HMCN1: variants seen among roughly 807,000 people sequenced by gnomAD.
HMCN1 encodes hemicentin 1, also known as hemicentin-1.
In HMCN1, 321 loss-of-function variants were observed where a neutral mutation model predicts 625.9. That is an observed-to-expected ratio of 0.51 (90% CI 0.47 to 0.56). The LOEUF (loss-of-function observed/expected upper bound fraction) is 0.56, where lower values mean the gene tolerates loss of function less well. Among genes scored for constraint, HMCN1 ranks in the 20% least tolerant of loss-of-function variants. HMCN1 has a pLI of 0.00. For missense variants in HMCN1, 6,588 were observed against 6,887.3 expected, an observed-to-expected ratio of 0.96 and a Z score of 1.54; for synonymous variants, 2,425 against 2,417.6, an observed-to-expected ratio of 1.00 and a Z score of -0.09.
At chr1:186,038,443 C>T (rs1457218918) in intron 37 of HMCN1, among the ~76,000 whole-genome samples, 2 of 152,036 alleles carry the variant, frequency 1.3e-5, no homozygotes, top group Non-Finnish European at 2.9e-5. Context: ...TCATATGAAT[C>T]AGTAACAACA....
At chr1:185,782,248 G>A (rs560565828) in intron 1 of HMCN1, among the ~76,000 whole-genome samples, 49 of 152,180 alleles carry the variant, frequency 3.2e-4, no homozygotes, top group African/African-American at 1.0e-3. Flanking sequence ...TTCTCTGCAC[G>A]TGAGATGGGT....
chr1:185,946,272 C>G (rs1668339517), intron 11 of HMCN1, among the ~76,000 whole-genome samples: 1 of 149,502 alleles, frequency 6.7e-6, no homozygotes, highest in African/African-American at 2.5e-5. Flanking sequence ...CTGTGTAGAT[C>G]CACTTTCATA....
intron 1 of HMCN1, among the ~76,000 whole-genome samples, chr1:185,743,807 G>T (rs1654160292): frequency 6.6e-6 from 1 of 152,102 alleles, no homozygotes; most frequent in East Asian, 1.9e-4. Context: ...AACATTATAT[G>T]TGAAAGTCCT....
chr1:186,053,240 A>C (rs907163358), intron 43 of HMCN1, among the ~76,000 whole-genome samples, 166 bp downstream of exon 43: 1 of 152,086 alleles, frequency 6.6e-6, no homozygotes, highest in Non-Finnish European at 1.5e-5. Context: ...TGATACTTCT[A>C]CACTTCCCAG....
intron 11 of HMCN1, among the ~76,000 whole-genome samples, chr1:185,951,013 T>C (rs1341361375): frequency 1.3e-5 from 2 of 151,288 alleles, no homozygotes; most frequent in African/African-American, 2.4e-5. Context: ...GGCTTTAATC[T>C]TTTTAAAGCG....
At chr1:185,892,862 T>G (rs1483530852) in intron 4 of HMCN1, among the ~76,000 whole-genome samples, 1 of 152,176 alleles carries the variant, frequency 6.6e-6, no homozygotes, top group East Asian at 1.9e-4. Context: ...CCAGGCTGCT[T>G]TGTTTACCTA....
At chr1:186,093,465 C>G (rs780255012) in intron 65 of HMCN1, 21 bp from the exon 66 acceptor site, 1 of 1,611,872 alleles carries the variant, frequency 6.2e-7, no homozygotes, top group Admixed American at 1.7e-5. Flanking sequence ...TTCCCTCTCT[C>G]TCACTTTCTG....
chr1:185,943,693 A>G (rs1181399100), intron 11 of HMCN1, among the ~76,000 whole-genome samples: 1 of 152,148 alleles, frequency 6.6e-6, no homozygotes, highest in East Asian at 1.9e-4. Context: ...TTTGTATAGA[A>G]GTTCCATTAT....
Position 185,785,142 on chromosome 1 carries a change from T to A in HMCN1, c.268+50095T>A, listed in dbSNP as rs556422601. ...TATGGACATTCTTGTACAAATCTTT[T>A]TGGGGGTGTGTTTTCATTTCTCTTG... is the stretch of plus-strand genomic sequence containing the variant. On this transcript the variant is annotated intron_variant, in intron 1 of 106. Coordinates refer to ENST00000271588, the MANE Select transcript of HMCN1 (RefSeq NM_031935.3). 6.6e-5 allele frequency among the ~76,000 whole-genome samples: 10 copies of A among 152,334 alleles called. No homozygotes were observed. The East Asian group carries it at 1.9e-3, about 29-fold the overall frequency.
chr1:185,845,837 T>C (rs915294145), intron 1 of HMCN1, among the ~76,000 whole-genome samples, 189 bp from the exon 2 acceptor site: 1 of 152,232 alleles, frequency 6.6e-6, no homozygotes, highest in Non-Finnish European at 1.5e-5. Context: ...CTTTTAGATA[T>C]GCATACTTTA....
At chr1:186,063,154 A>G (rs1029463735) in intron 48 of HMCN1, among the ~76,000 whole-genome samples, 2 of 140,822 alleles carry the variant, frequency 1.4e-5, no homozygotes, top group Non-Finnish European at 1.5e-5. Context: ...TTGATTCCAT[A>G]TCTTTGCTAT....
chr1:186,186,541 A>T (rs1263901065), intron 105 of HMCN1, among the ~76,000 whole-genome samples: 1 of 152,126 alleles, frequency 6.6e-6, no homozygotes, highest in East Asian at 1.9e-4. Flanking sequence ...AATAAAATAA[A>T]ATAGAGAGCT....
At chr1:186,059,673 T>A (rs1003921422) in intron 46 of HMCN1, among the ~76,000 whole-genome samples, 10 of 152,048 alleles carry the variant, frequency 6.6e-5, no homozygotes, top group African/African-American at 1.7e-4. Context: ...TTAATATTAG[T>A]CCTCCTGAGA....
chr1:186,126,998 A>G (rs1289878371), intron 82 of HMCN1, among the ~76,000 whole-genome samples: 2 of 152,098 alleles, frequency 1.3e-5, no homozygotes, highest in Non-Finnish European at 2.9e-5. Context: ...TTAGCAGAGA[A>G]GAGACAAGAA....
At chr1:186,160,740 T>A (rs962873760) in intron 97 of HMCN1, among the ~76,000 whole-genome samples, 1 of 152,120 alleles carries the variant, frequency 6.6e-6, no homozygotes, top group African/African-American at 2.4e-5. Flanking sequence ...TTTGAGTGAG[T>A]TTCTTAATCC....
intron 36 of HMCN1, among the ~76,000 whole-genome samples, chr1:186,024,347 A>G (rs1654920970): frequency 1.3e-5 from 2 of 152,108 alleles, no homozygotes. Context: ...AGCTGTCTCC[A>G]GCATCTGCTT....
chr1:185,781,513 C>T (rs539754994), intron 1 of HMCN1, among the ~76,000 whole-genome samples: 23 of 152,302 alleles, frequency 1.5e-4, no homozygotes, highest in African/African-American at 5.5e-4. Context: ...CTACACACTG[C>T]TTTAAATGTG....
At position 186,178,490 on chromosome 1, in the gene HMCN1, A is replaced by G. The variant is rs1215459980; in HGVS notation, c.16018A>G (p.Ile5340Val). 1 of 1,614,110 alleles carries G rather than the reference A, an allele frequency of 6.2e-7. No individual in the cohort carries two copies. The highest frequency in any genetic ancestry group is 2.2e-5 in the East Asian group (1 of 44,870). Residue 5340 changes from isoleucine to valine, a missense_variant, in exon 104 of 107, where the codon ATC becomes GTC. Transcript: ENST00000271588. ...CSNTPGSFKC[I>V]CPPGQHLLGD... Reference sequence around the variant, plus strand: ...CAACACCCCCGGCAGCTTCAAGTGTATCTGTCCACCAGGACAACATTTATT... The same window carrying G: ...CAACACCCCCGGCAGCTTCAAGTGTGTCTGTCCACCAGGACAACATTTATT...
chr1:185,784,836 T>C (rs1657448816), intron 1 of HMCN1, among the ~76,000 whole-genome samples: 1 of 152,240 alleles, frequency 6.6e-6, no homozygotes, highest in Admixed American at 6.5e-5. Flanking sequence ...CAAATGCGTC[T>C]ACCATGTAAG....
Sources: allele counts gnomAD v4.1 joint callset (sites outside exome capture counted in the v4.1 genomes callset), GRCh38; gene constraint gnomAD v4.1.1; transcripts MANE v1.5; gene names NCBI Gene and HGNC (gene_info 2026-07-23, HGNC 2026-07-21).